Variants in SLC12A7 observed in about 807,000 individuals in gnomAD.
SLC12A7 encodes solute carrier family 12 member 7.
SLC12A7 carries 100 observed loss-of-function variants against 120.6 expected under a neutral mutation model. The ratio of observed to expected loss-of-function variants is 0.83; its 90% CI spans 0.71 to 0.98. The LOEUF is 0.98. SLC12A7 is among the 50% of genes least tolerant of loss of function. SLC12A7 has a pLI of 0.00. For synonymous variants in SLC12A7, 760 were observed against 678.0 expected (o/e 1.12, Z -1.88); for missense variants, 1,373 against 1,548.1 (o/e 0.89, Z 1.90).
At chr5:1,150,411 C>T in the SLC12A7 span, among the ~76,000 whole-genome samples, 1 of 152,140 alleles carries the variant, frequency 6.6e-6, no homozygotes, top group African/African-American at 2.4e-5. Context: ...CTGGGTGGAG[C>T]CCTGCACCAA....
At chr5:1,094,427 A>C (rs1227708262) in intron 1 of SLC12A7, among the ~76,000 whole-genome samples, 179 bp from the exon 2 acceptor site, 1 of 152,188 alleles carries the variant, frequency 6.6e-6, no homozygotes, top group Non-Finnish European at 1.5e-5. Context: ...GTTCCAAAGA[A>C]AGGGGCATTT....
chr5:1,152,301 T>C, the SLC12A7 span, among the ~76,000 whole-genome samples: 26 of 152,338 alleles, frequency 1.7e-4, no homozygotes, highest in Middle Eastern at 3.4e-3. Flanking sequence ...GGGGCAGTCA[T>C]GCCTGCAAGG....
At chr5:1,089,692 G>A (rs1228546807) in intron 3 of SLC12A7, among the ~76,000 whole-genome samples, 1 of 152,218 alleles carries the variant, frequency 6.6e-6, no homozygotes, top group Non-Finnish European at 1.5e-5. Flanking sequence ...CCACGTGGGG[G>A]CCACCCCGCC....
intron 17 of SLC12A7, among the ~76,000 whole-genome samples, chr5:1,068,682 G>A (rs972127594): frequency 2.6e-5 from 4 of 151,850 alleles, no homozygotes; most frequent in Non-Finnish European, 4.4e-5. Flanking sequence ...CCGCAAGAGC[G>A]GGCTCCTGTC....
In SLC12A7 at chr5:1,057,452, C is replaced by T. The variant is rs753190985; in HGVS notation, c.3026+19G>A. The T allele has an allele frequency of 3.1e-6, 5 of 1,597,908 alleles. No homozygotes were observed. Among genetic ancestry groups the T allele is most frequent in the Admixed American group, 1.7e-5 (1 of 59,230 alleles). On this transcript the variant is annotated intron_variant, in intron 22 of 23. Transcript: ENST00000264930. ...CTGCCAGGATCTGTTCCCCCCAGGC[C>T]ACACGCACGGACACTCACGGCTTCA... is the stretch of plus-strand genomic sequence containing the variant.
upstream of SLC12A7, among the ~76,000 whole-genome samples, chr5:1,113,039 A>T (rs944939779): frequency 6.6e-6 from 1 of 152,152 alleles, no homozygotes; most frequent in African/African-American, 2.4e-5. Context: ...AGAACCCACC[A>T]GGCAGACACC....
the SLC12A7 span, among the ~76,000 whole-genome samples, chr5:1,132,532 A>T: frequency 6.6e-6 from 1 of 151,896 alleles, no homozygotes; most frequent in Admixed American, 6.5e-5. Flanking sequence ...TTCTGGTAAC[A>T]GTTCTTTTTT....
chr5:1,123,328 C>T, the SLC12A7 span, among the ~76,000 whole-genome samples: 2 of 151,978 alleles, frequency 1.3e-5, no homozygotes, highest in Non-Finnish European at 2.9e-5. Context: ...GCAGGGACCC[C>T]GGCTCCGAGG....
At position 1,051,952 on chromosome 5, in the gene SLC12A7, G is replaced by C. The variant is rs1024719645; in HGVS notation, c.*408C>G. The C allele has an allele frequency of 9.9e-6, 2 of 202,474 alleles. No individual in the cohort carries two copies. The highest frequency in any genetic ancestry group is 2.0e-5 in the Non-Finnish European group (2 of 100,726). The allele number at this position is 202,474 out of a possible 1,614,324, so 12.5% of individuals were successfully genotyped here. On this transcript the variant is annotated 3_prime_UTR_variant, in exon 24 of 24. Coordinates refer to ENST00000264930, the MANE Select transcript of SLC12A7 (RefSeq NM_006598.3). ...ACCTTCATCATCAGGGACAGCTTCA[G>C]CTCCGGGTGCTCTTCCAAGAATGTT...
chr5:1,099,952 A>C (rs562413597), intron 1 of SLC12A7, among the ~76,000 whole-genome samples: 1 of 151,816 alleles, frequency 6.6e-6, no homozygotes, highest in Admixed American at 6.6e-5. Context: ...CTGAGGGCGC[A>C]TGACCGTTAC....
the SLC12A7 span, among the ~76,000 whole-genome samples, chr5:1,133,038 C>T: frequency 1.3e-5 from 2 of 152,188 alleles, no homozygotes; most frequent in Non-Finnish European, 2.9e-5. Flanking sequence ...CTGCCTCAAC[C>T]TCCCAAGTAG....
chr5:1,112,103 GC>G, upstream of SLC12A7: 1 of 1,136,090 alleles, frequency 8.8e-7, no homozygotes, highest in Non-Finnish European at 1.1e-6. Flanking sequence ...GCCCCGCCCC[GC>G]CCGGGCCACG....
chr5:1,089,270 G>T, intron 3 of SLC12A7, 142 bp from the exon 4 acceptor site: 1 of 851,502 alleles, frequency 1.2e-6, no homozygotes, highest in South Asian at 1.9e-5. Context: ...AACAGATGGA[G>T]GTTCAGAGAG....
intron 21 of SLC12A7, 102 bp from the exon 22 acceptor site, chr5:1,057,751 T>G (rs2150780914): frequency 8.7e-7 from 1 of 1,151,944 alleles, no homozygotes; most frequent in East Asian, 2.4e-5. Context: ...TCACAGAACC[T>G]GAAGGGCCCT....
At chr5:1,097,469 A>C (rs1268589748) in intron 1 of SLC12A7, among the ~76,000 whole-genome samples, 1 of 152,224 alleles carries the variant, frequency 6.6e-6, no homozygotes, top group Non-Finnish European at 1.5e-5. Flanking sequence ...AACTTGCTCA[A>C]GTTGGATTAA....
the SLC12A7 span, among the ~76,000 whole-genome samples, chr5:1,137,922 G>A: frequency 1.3e-5 from 2 of 152,236 alleles, no homozygotes; most frequent in African/African-American, 4.8e-5. Flanking sequence ...AGGGGGTCCA[G>A]TGAGCTGTGG....
chr5:1,103,443 A>G (rs1055206875), intron 1 of SLC12A7, among the ~76,000 whole-genome samples: 2 of 152,200 alleles, frequency 1.3e-5, no homozygotes, highest in Non-Finnish European at 2.9e-5. Flanking sequence ...ACATGCACAG[A>G]GACATGCATG....
At chr5:1,145,954 G>A in the SLC12A7 span, among the ~76,000 whole-genome samples, 5 of 152,024 alleles carry the variant, frequency 3.3e-5, no homozygotes, top group African/African-American at 1.2e-4. The surrounding 1 kb of genome is among the most constrained non-coding windows in gnomAD (Gnocchi z 4.4). Flanking sequence ...AACCATCACC[G>A]CCATCCTTCT....
In SLC12A7 at chr5:1,074,558, G is replaced by A. The variant is rs377210500; in HGVS notation, c.2072+9C>T. The A allele has an allele frequency of 2.0e-4, 327 of 1,608,734 alleles. No individual in the cohort carries two copies. The highest frequency in any genetic ancestry group is 1.2e-4 in the Admixed American group (7 of 59,830). ...CGTCTGAGGACCACGGGGCATGGGC[G>A]GTGCTCACCTCCAGTTCTTGGTGTG... is the stretch of plus-strand genomic sequence containing the variant. On this transcript the variant is annotated intron_variant, in intron 16 of 23. Coordinates refer to ENST00000264930, the MANE Select transcript of SLC12A7 (RefSeq NM_006598.3).
Sources: allele counts gnomAD v4.1 joint callset (sites outside exome capture counted in the v4.1 genomes callset), GRCh38; gene constraint gnomAD v4.1.1; non-coding constraint Gnocchi (gnomAD v3.1); transcripts MANE v1.5; gene names NCBI Gene and HGNC (gene_info 2026-07-23, HGNC 2026-07-21).